The following DCAF6 variants were observed in gnomAD, a reference collection of about 807,000 sequenced individuals.
DCAF6 encodes the protein DDB1- and CUL4-associated factor 6.
Under a neutral mutation model 125.1 loss-of-function variants are expected in DCAF6, and 54 were observed. The ratio of observed to expected loss-of-function variants is 0.43; its 90% CI spans 0.35 to 0.54. The LOEUF (loss-of-function observed/expected upper bound fraction) is 0.54. Ranked by LOEUF, DCAF6 falls within the 20% of genes least tolerant of loss-of-function variation. DCAF6 has a pLI of 0.01. For synonymous variants in DCAF6, 371 were observed against 390.4 expected (o/e 0.95, Z 0.58); for missense variants, 934 against 1,161.7 (o/e 0.80, Z 2.85).
At chr1:167,864,131 CTGATTTTGGTTT>C in the DCAF6 span, among the ~76,000 whole-genome samples, 1 of 152,142 alleles carries the variant, frequency 6.6e-6, no homozygotes, top group Non-Finnish European at 1.5e-5. Flanking sequence ...TCTGAATACT[CTGATTTTGGTTT>C]TGATTTTGGT....
chr1:168,025,685 G>A (rs1341319526), intron 12 of DCAF6, among the ~76,000 whole-genome samples: 3 of 152,072 alleles, frequency 2.0e-5, no homozygotes, highest in East Asian at 3.8e-4. Context: ...ACCACCATTT[G>A]TCTCTCCTAG....
At chr1:167,932,877 TA>T (rs1292906407), upstream of DCAF6, among the ~76,000 whole-genome samples, 1 of 151,286 alleles carries the variant, frequency 6.6e-6, no homozygotes, top group East Asian at 1.9e-4. Flanking sequence ...ACTTCAAGAT[TA>T]TTTCTTTGAC....
chr1:167,875,344 C>G, the DCAF6 span, among the ~76,000 whole-genome samples: 51,794 of 152,100 alleles, frequency 0.34, 9,829 homozygotes, highest in African/African-American at 0.51. Flanking sequence ...GAAGGAGAAA[C>G]GAGAAGGTCT....
At chr1:168,064,623 C>G (rs563376403) in intron 18 of DCAF6, among the ~76,000 whole-genome samples, 2 of 152,050 alleles carry the variant, frequency 1.3e-5, no homozygotes, top group African/African-American at 4.8e-5. Context: ...ATAGAAGTAA[C>G]CAATTTATAT....
chr1:167,959,694 T>C (rs913060840), intron 2 of DCAF6, among the ~76,000 whole-genome samples: 5 of 152,252 alleles, frequency 3.3e-5, no homozygotes, highest in Non-Finnish European at 5.9e-5. Context: ...GTGCCTGTTA[T>C]GGCCTTTGGC....
the DCAF6 span, chr1:167,870,553 G>A: frequency 7.0e-6 from 5 of 717,532 alleles, 1 homozygote; most frequent in East Asian, 5.9e-5. Flanking sequence ...AGCACTTTGG[G>A]AGGCCGAGGT....
the DCAF6 span, among the ~76,000 whole-genome samples, chr1:167,866,481 C>T: frequency 6.7e-6 from 1 of 149,776 alleles, no homozygotes; most frequent in African/African-American, 2.5e-5. Context: ...CTCAGGTCGG[C>T]CCCAGCCCTG....
intron 17 of DCAF6, among the ~76,000 whole-genome samples, chr1:168,053,555 A>G (rs1325909446): frequency 6.6e-6 from 1 of 152,202 alleles, no homozygotes; most frequent in East Asian, 1.9e-4. Context: ...AAAAGATCAG[A>G]CACAGTGGAA....
the DCAF6 span, among the ~76,000 whole-genome samples, chr1:167,873,075 A>AG: frequency 1.3e-5 from 2 of 149,242 alleles, no homozygotes; most frequent in African/African-American, 4.9e-5. Flanking sequence ...GTCTCAAAAG[A>AG]AAAAAAAAAG....
the DCAF6 span, chr1:167,903,947 C>T: frequency 1.9e-6 from 3 of 1,613,968 alleles, no homozygotes; most frequent in Admixed American, 3.3e-5. Context: ...GCCCCTCTGT[C>T]CATGTACATG....
chr1:167,946,630 T>C (rs1215419892), intron 1 of DCAF6, among the ~76,000 whole-genome samples: 1 of 152,218 alleles, frequency 6.6e-6, no homozygotes, highest in Non-Finnish European at 1.5e-5. Flanking sequence ...AAGATGATCA[T>C]ATGGTTTTTG....
rs757233888 is a variant in DCAF6 at position 168,065,631 on chromosome 1, T to C, written c.2481T>C (p.Ser827=). ...TCTGGGGTGCTAACTTTGTAATGAGTGGTTCTGACTGTGGCCACATTTTCA... is the reference window on the plus strand; with the variant it reads ...TCTGGGGTGCTAACTTTGTAATGAGCGGTTCTGACTGTGGCCACATTTTCA... ...ANFWGANFVM[S]GSDCGHIFIW... is the part of the protein sequence containing the mutation. The change falls in exon 19 of 22, where the codon AGT becomes AGC. Residue 827 remains serine, a synonymous_variant. Transcript: ENST00000367840. The C allele has an allele frequency of 1.2e-5, 20 of 1,611,754 alleles. No individual in the cohort carries two copies. The highest frequency in any genetic ancestry group is 1.7e-5 in the Non-Finnish European group (20 of 1,178,698).
intron 12 of DCAF6, 72 bp downstream of exon 12, chr1:168,023,119 C>CA (rs1455242816): frequency 7.0e-7 from 1 of 1,425,106 alleles, no homozygotes; most frequent in Non-Finnish European, 9.9e-7. Context: ...TAAGCTCTCT[C>CA]ACACCTTTCG....
At chr1:167,952,000 T>C in intron 2 of DCAF6, 139 bp downstream of exon 2, 1 of 537,932 alleles carries the variant, frequency 1.9e-6, no homozygotes, top group Non-Finnish European at 3.2e-6. Context: ...AAATATAAAA[T>C]TATATTTTGA....
intron 13 of DCAF6, 58 bp downstream of exon 13, chr1:168,038,546 T>G: frequency 8.0e-7 from 1 of 1,251,608 alleles, no homozygotes; most frequent in Middle Eastern, 1.9e-4. Context: ...GTATTAGATT[T>G]TAATTTTTAA....
intron 6 of DCAF6, among the ~76,000 whole-genome samples, chr1:167,991,986 G>A (rs1237529025): frequency 6.6e-6 from 1 of 152,038 alleles, no homozygotes; most frequent in Non-Finnish European, 1.5e-5. Flanking sequence ...GAATTTTGGG[G>A]AGACTCTGCT....
chr1:167,872,930 T>C, the DCAF6 span, among the ~76,000 whole-genome samples: 1 of 151,258 alleles, frequency 6.6e-6, no homozygotes, highest in South Asian at 2.1e-4. Flanking sequence ...ATTAGCTGGG[T>C]GTGGTGGTGT....
the DCAF6 span, among the ~76,000 whole-genome samples, chr1:167,898,622 T>G: frequency 2.0e-5 from 3 of 151,438 alleles, no homozygotes; most frequent in Non-Finnish European, 4.4e-5. Flanking sequence ...AAAGAATGAT[T>G]GAAGAGCATG....
At chr1:168,044,457 G>A in intron 14 of DCAF6, 128 bp from the exon 15 acceptor site, 1 of 684,414 alleles carries the variant, frequency 1.5e-6, no homozygotes, top group Non-Finnish European at 2.6e-6. Flanking sequence ...GTATGCATAG[G>A]TTATATGCAA....
Sources: allele counts gnomAD v4.1 joint callset (sites outside exome capture counted in the v4.1 genomes callset), GRCh38; gene constraint gnomAD v4.1.1; transcripts MANE v1.5; gene names NCBI Gene and HGNC (gene_info 2026-07-23, HGNC 2026-07-21).